The following TTC34 variants were observed in gnomAD, a reference collection of about 807,000 sequenced individuals.
TTC34 encodes tetratricopeptide repeat domain 34.
TTC34 carries 44 observed loss-of-function variants against 40.7 expected under a neutral mutation model. That is an observed-to-expected ratio of 1.08 (90% CI 0.85 to 1.39). TTC34 has a LOEUF of 1.39. Ranked by LOEUF, TTC34 falls within the 40% of genes most tolerant of loss-of-function variation. The pLI, the probability that TTC34 is intolerant of heterozygous loss-of-function variation, is 0.00. For missense variants in TTC34, 884 were observed against 838.0 expected (o/e 1.05, Z -0.68); for synonymous variants, 422 against 398.6 (o/e 1.06, Z -0.70).
At position 2,645,587 on chromosome 1, in the gene TTC34, G is replaced by GCCCCCC; in HGVS notation, c.2227-25_2227-24insGGGGGG. The GCCCCCC allele has an allele frequency of 8.7e-6, 2 of 229,524 alleles. No individual in the cohort carries two copies. The highest frequency in any genetic ancestry group is 1.7e-5 in the Non-Finnish European group (2 of 116,448). 14.2% of individuals were successfully genotyped at this position (229,524 alleles called of 1,614,324 possible). On this transcript the variant is annotated intron_variant, in intron 6 of 8. Transcript: ENST00000401095. The surrounding 1 kb of genome is among the most constrained non-coding windows in gnomAD (Gnocchi z 4.7). ...TCCTGCAAGGAGGGAGGGCGGGCGG[G>GCCCCCC]TGCAGAGTTGTCCTAAGTAGAGAAA... is the stretch of plus-strand genomic sequence containing the variant.
chr1:2,675,050 A>T lies in TTC34; in HGVS notation c.2227-29487T>A, dbSNP rs1351898940. 1.6e-4 allele frequency among the ~76,000 whole-genome samples: 21 copies of T among 132,462 alleles called. 1 individual carries two copies. Among genetic ancestry groups the T allele is most frequent in the Non-Finnish European group, 3.0e-4 (18 of 59,642 alleles). The allele number at this position is 132,462 out of a possible 152,430, so 86.9% of individuals were successfully genotyped here. Reference sequence around the variant, plus strand: ...GGAGCAGCACCCACAACCACAGGTGAGCATCGGAGAGTCAGGAGCAGTGCC... The same window carrying T: ...GGAGCAGCACCCACAACCACAGGTGTGCATCGGAGAGTCAGGAGCAGTGCC... On this transcript the variant is annotated intron_variant, in intron 6 of 8. Transcript: ENST00000401095.
At chr1:2,753,349 T>C (rs1641390784) in intron 6 of TTC34, among the ~76,000 whole-genome samples, 2 of 124,020 alleles carry the variant, frequency 1.6e-5, no homozygotes, top group East Asian at 5.7e-4. Flanking sequence ...CAGACGAGCA[T>C]CTGACAGCCT....
chr1:2,787,238 T>C (rs1643602142), intron 4 of TTC34, among the ~76,000 whole-genome samples: 1 of 152,162 alleles, frequency 6.6e-6, no homozygotes, highest in African/African-American at 2.4e-5. Flanking sequence ...GCAGGGAAAC[T>C]GCCGGCCCCG....
rs1303590727 is a variant in TTC34 at position 2,645,354 on chromosome 1, G to A, written c.2436C>T (p.Ile812=). ...AGTGCGGTTGCCCTGAGTCGATTTT[G>A]ATCAGCGCCTCCCCCACAGCAAGGA... Residue 812 remains isoleucine (I), a synonymous_variant, in exon 7 of 9, where the codon ATC becomes ATT. Transcript: ENST00000401095. This position sits in a 1 kb window ranked among gnomAD's most constrained non-coding sequence, Gnocchi z 4.7. 6 of 1,530,152 alleles carry A rather than the reference G, an allele frequency of 3.9e-6. No individual in the cohort carries two copies. The highest frequency in any genetic ancestry group is 5.2e-6 in the Non-Finnish European group (6 of 1,143,194). 94.8% of individuals were successfully genotyped at this position (1,530,152 alleles called of 1,614,324 possible).
intron 2 of TTC34, among the ~76,000 whole-genome samples, chr1:2,799,029 G>GC (rs1368890315): frequency 1.4e-5 from 2 of 145,118 alleles, no homozygotes. Context: ...AAGCCTCCCA[G>GC]CCCCCTAGCC....
intron 6 of TTC34, among the ~76,000 whole-genome samples, chr1:2,759,592 C>T (rs1286898032): frequency 1.2e-4 from 7 of 57,330 alleles, no homozygotes; most frequent in African/African-American, 2.2e-4. Context: ...TGGAACAGCA[C>T]CCACACCGCC....
intron 4 of TTC34, 34 bp downstream of exon 4, chr1:2,787,447 C>T: frequency 1.4e-6 from 2 of 1,446,098 alleles, no homozygotes; most frequent in Non-Finnish European, 1.8e-6. Flanking sequence ...GGCCCATTTC[C>T]ACCTGCCCTC....
chr1:2,692,540 C>G (rs570583947), intron 6 of TTC34, among the ~76,000 whole-genome samples: 1,651 of 134,516 alleles, frequency 0.012, 74 homozygotes, highest in Non-Finnish European at 0.019. Context: ...GATCAGCACC[C>G]ACACCCCCAG....
exon 9 of TTC34, chr1:2,639,066 T>TA (rs1465488425): frequency 6.6e-6 from 1 of 152,232 alleles, no homozygotes; most frequent in Non-Finnish European, 1.5e-5. Context: ...GTCTCTTTTA[T>TA]AAGGACACTA....
chr1:2,660,807 T>C (rs186786770), intron 6 of TTC34, among the ~76,000 whole-genome samples: 6 of 23,042 alleles, frequency 2.6e-4, no homozygotes, highest in Non-Finnish European at 5.6e-4. Flanking sequence ...GGTGAGCATC[T>C]GACAGCCTGG....
At chr1:2,755,820 AC>A (rs1641486569) in intron 6 of TTC34, among the ~76,000 whole-genome samples, 1 of 103,418 alleles carries the variant, frequency 9.7e-6, no homozygotes, top group Non-Finnish European at 1.9e-5. Flanking sequence ...AGCAGCACCC[AC>A]AACCACAGGT....
At chr1:2,752,511 A>T (rs1290857050) in intron 6 of TTC34, among the ~76,000 whole-genome samples, 3 of 132,570 alleles carry the variant, frequency 2.3e-5, no homozygotes, top group Admixed American at 7.7e-5. Flanking sequence ...AGCATCTGAC[A>T]GCCTGGAGCA....
At chr1:2,748,744 T>C (rs1283435936) in intron 6 of TTC34, among the ~76,000 whole-genome samples, 1 of 122,416 alleles carries the variant, frequency 8.2e-6, no homozygotes, top group Non-Finnish European at 1.6e-5. Context: ...TCTGACAGAC[T>C]GGAACAGCAC....
chr1:2,653,395 A>C (rs1178521772), intron 6 of TTC34, among the ~76,000 whole-genome samples: 1 of 138,854 alleles, frequency 7.2e-6, no homozygotes, highest in Non-Finnish European at 1.5e-5. Context: ...ACAGCATGTA[A>C]CAGCACCCAC....
chr1:2,645,587 G>GGGGCC lies in TTC34; in HGVS notation c.2227-25_2227-24insGGCCC. The GGGGCC allele has an allele frequency of 2.2e-5, 5 of 229,516 alleles. No individual in the cohort carries two copies. Among genetic ancestry groups the GGGGCC allele is most frequent in the Non-Finnish European group, 4.3e-5 (5 of 116,448 alleles). The allele number at this position is 229,516 out of a possible 1,614,324, so 14.2% of individuals were successfully genotyped here. ...TCCTGCAAGGAGGGAGGGCGGGCGG[G>GGGGCC]TGCAGAGTTGTCCTAAGTAGAGAAA... On this transcript the variant is annotated intron_variant, in intron 6 of 8. Coordinates refer to ENST00000401095, the Ensembl canonical transcript of TTC34. This position sits in a 1 kb window ranked among gnomAD's most constrained non-coding sequence, Gnocchi z 4.7.
exon 9 of TTC34, chr1:2,638,299 G>A (rs1034775012): frequency 1.3e-5 from 2 of 152,120 alleles, no homozygotes; most frequent in Admixed American, 1.3e-4. Flanking sequence ...GGAGGGTAGG[G>A]TATTAATGCA....
chr1:2,639,653 G>C (rs1222313598), exon 9 of TTC34: 1 of 152,430 alleles, frequency 6.6e-6, no homozygotes, highest in Admixed American at 6.5e-5. Context: ...GCTGGCAGGC[G>C]GAAGATGGAT....
intron 1 of TTC34, 123 bp from the exon 2 acceptor site, chr1:2,800,991 C>A: frequency 2.5e-6 from 1 of 397,796 alleles, no homozygotes; most frequent in Non-Finnish European, 4.4e-6. Flanking sequence ...AGTGCAGACC[C>A]CACTGGGTGA....
chr1:2,771,571 C>G (rs1255631959), intron 6 of TTC34, among the ~76,000 whole-genome samples: 1 of 48,670 alleles, frequency 2.1e-5, no homozygotes, highest in Non-Finnish European at 3.3e-5. Context: ...CAACCCCAGG[C>G]GAGCATCTGA....
Sources: allele counts gnomAD v4.1 joint callset (sites outside exome capture counted in the v4.1 genomes callset), GRCh38; gene constraint gnomAD v4.1.1; non-coding constraint Gnocchi (gnomAD v3.1); transcripts MANE v1.5; gene names NCBI Gene and HGNC (gene_info 2026-07-23, HGNC 2026-07-21).